INPP4B: variants seen among roughly 807,000 people sequenced by gnomAD.
INPP4B encodes the protein inositol polyphosphate 4-phosphatase type II.
INPP4B carries 55 observed loss-of-function variants against 122.5 expected under a neutral mutation model. That is an observed-to-expected ratio of 0.45 (90% confidence interval 0.36 to 0.56). The LOEUF (loss-of-function observed/expected upper bound fraction) is 0.56. Ranked by LOEUF, INPP4B falls within the 20% of genes least tolerant of loss-of-function variation. INPP4B has a pLI of 0.00. For missense variants in INPP4B, 1,000 were observed against 1,097.7 expected, an observed-to-expected ratio of 0.91 and a Z score of 1.26; for synonymous variants, 403 against 388.7, an observed-to-expected ratio of 1.04 and a Z score of -0.43.
intron 2 of INPP4B, among the ~76,000 whole-genome samples, chr4:142,694,817 T>C (rs1033784348): frequency 3.9e-5 from 6 of 152,144 alleles, no homozygotes; most frequent in African/African-American, 1.4e-4. Flanking sequence ...TCCCTTAACA[T>C]TTTTGAAAAA....
At chr4:142,678,667 C>T (rs1758159319) in intron 2 of INPP4B, among the ~76,000 whole-genome samples, 1 of 151,870 alleles carries the variant, frequency 6.6e-6, no homozygotes, top group South Asian at 2.1e-4. Context: ...TTATATCATA[C>T]AACCAACCAT....
chr4:142,225,459 T>C (rs1019107791), intron 12 of INPP4B, among the ~76,000 whole-genome samples: 1 of 151,402 alleles, frequency 6.6e-6, no homozygotes, highest in Non-Finnish European at 1.5e-5. Flanking sequence ...TAAACTCCCT[T>C]TCATATATAC....
intron 23 of INPP4B, among the ~76,000 whole-genome samples, chr4:142,107,878 G>A (rs1490737286): frequency 1.3e-5 from 2 of 152,226 alleles, no homozygotes; most frequent in Non-Finnish European, 1.5e-5. Context: ...GTCTCAGAAT[G>A]AACAGCAGGA....
At chr4:142,686,278 T>A (rs1484446425) in intron 2 of INPP4B, among the ~76,000 whole-genome samples, 2 of 152,100 alleles carry the variant, frequency 1.3e-5, no homozygotes, top group Admixed American at 6.6e-5. Flanking sequence ...AACTCAACTG[T>A]AAATTAAGAA....
chr4:142,068,229 C>G (rs1027837163), intron 25 of INPP4B, among the ~76,000 whole-genome samples: 4 of 152,166 alleles, frequency 2.6e-5, no homozygotes, highest in African/African-American at 9.7e-5. Flanking sequence ...TCCAGCCAAA[C>G]TAAGCTTCAT....
chr4:142,708,370 C>A (rs575128381), intron 2 of INPP4B, among the ~76,000 whole-genome samples: 1 of 152,218 alleles, frequency 6.6e-6, no homozygotes, highest in Admixed American at 6.5e-5. Context: ...ATGTTAATAG[C>A]CCAGACAATG....
At chr4:142,172,653 G>A (rs1002527340) in intron 16 of INPP4B, among the ~76,000 whole-genome samples, 3 of 151,824 alleles carry the variant, frequency 2.0e-5, no homozygotes, top group Non-Finnish European at 2.9e-5. Context: ...ATATAAAAAT[G>A]TATAAACTGC....
chr4:142,032,198 G>T (rs1449890789), intron 25 of INPP4B, among the ~76,000 whole-genome samples: 1 of 152,122 alleles, frequency 6.6e-6, no homozygotes, highest in Non-Finnish European at 1.5e-5. Context: ...TAGGCTGGAG[G>T]ACAAAGGGGC....
chr4:142,365,541 T>C (rs1390411155), intron 7 of INPP4B, among the ~76,000 whole-genome samples: 2 of 152,154 alleles, frequency 1.3e-5, no homozygotes, highest in Non-Finnish European at 2.9e-5. Context: ...CAATGCACAT[T>C]GAGGAATCTA....
intron 9 of INPP4B, among the ~76,000 whole-genome samples, chr4:142,291,735 A>G (rs542461334): frequency 3.3e-5 from 5 of 152,290 alleles, no homozygotes; most frequent in African/African-American, 1.2e-4. Flanking sequence ...AAGTTCATAA[A>G]GCTCTAATTG....
chr4:142,565,465 T>C (rs182130102), intron 2 of INPP4B, among the ~76,000 whole-genome samples: 1 of 152,190 alleles, frequency 6.6e-6, no homozygotes, highest in Admixed American at 6.6e-5. Flanking sequence ...CTAACACAAA[T>C]AAGTGAGTGA....
intron 2 of INPP4B, among the ~76,000 whole-genome samples, chr4:142,564,155 T>A (rs1422583895): frequency 6.6e-6 from 1 of 152,224 alleles, no homozygotes; most frequent in Non-Finnish European, 1.5e-5. Context: ...ATAGGAACTA[T>A]GTGCAAGCAC....
chr4:142,786,034 G>A (rs2151046110), intron 1 of INPP4B, among the ~76,000 whole-genome samples: 1 of 152,226 alleles, frequency 6.6e-6, no homozygotes, highest in East Asian at 1.9e-4. Context: ...GTGCATGCAG[G>A]TTAATATATA....
chr4:142,069,535 C>G lies in INPP4B; in HGVS notation c.2642+12496G>C, dbSNP rs569324265. Reference sequence around the variant, plus strand: ...CAAAAAACCGTTCAAAAAAATCAATCAATCCAGGAGCTGGTTTTTTGAAAA... The same window carrying G: ...CAAAAAACCGTTCAAAAAAATCAATGAATCCAGGAGCTGGTTTTTTGAAAA... On this transcript the variant is annotated intron_variant, in intron 25 of 25. Coordinates refer to ENST00000262992, the MANE Select transcript of INPP4B (RefSeq NM_001101669.3). Among the ~76,000 whole-genome samples, 547 of 152,084 alleles carry G rather than the reference C, an allele frequency of 3.6e-3. 3 individuals are homozygous for G. Among genetic ancestry groups the G allele is most frequent in the African/African-American group, 0.012 (514 of 41,500 alleles).
At chr4:142,357,844 C>G (rs1257052258) in intron 7 of INPP4B, among the ~76,000 whole-genome samples, 1 of 151,850 alleles carries the variant, frequency 6.6e-6, no homozygotes, top group African/African-American at 2.4e-5. Context: ...TGTGGATATA[C>G]ATGTTTGTGA....
chr4:142,046,713 A>G (rs1193163989), intron 25 of INPP4B, among the ~76,000 whole-genome samples: 1 of 152,052 alleles, frequency 6.6e-6, no homozygotes, highest in Non-Finnish European at 1.5e-5. Context: ...GAGGGACATG[A>G]CTATTTTTGA....
intron 25 of INPP4B, among the ~76,000 whole-genome samples, chr4:142,042,189 C>T (rs1748091715): frequency 6.6e-6 from 1 of 152,162 alleles, no homozygotes; most frequent in Non-Finnish European, 1.5e-5. Flanking sequence ...GTTTCACTAA[C>T]TCCTAATATA....
intron 25 of INPP4B, among the ~76,000 whole-genome samples, chr4:142,046,854 G>A (rs1467280885): frequency 6.6e-6 from 1 of 152,014 alleles, no homozygotes; most frequent in Non-Finnish European, 1.5e-5. Flanking sequence ...TAAAGCAAGA[G>A]GAGGAAATGA....
chr4:142,379,352 G>C (rs1405243446), intron 7 of INPP4B, among the ~76,000 whole-genome samples: 1 of 152,142 alleles, frequency 6.6e-6, no homozygotes, highest in South Asian at 2.1e-4. Context: ...TTCAAAGAGA[G>C]CTTTACTTAA....
Sources: allele counts gnomAD v4.1 joint callset (sites outside exome capture counted in the v4.1 genomes callset), GRCh38; gene constraint gnomAD v4.1.1; transcripts MANE v1.5; gene names NCBI Gene and HGNC (gene_info 2026-07-23, HGNC 2026-07-21).